Variants in MAGI2 observed in about 807,000 individuals in gnomAD.
MAGI2 encodes the protein membrane associated guanylate kinase, WW and PDZ domain containing 2, also known as membrane-associated guanylate kinase, WW and PDZ domain-containing protein 2.
A neutral mutation model predicts 133.3 loss-of-function variants in MAGI2; 35 were observed. The ratio of observed to expected loss-of-function variants is 0.26; its 90% CI spans 0.20 to 0.35. The LOEUF (loss-of-function observed/expected upper bound fraction) is 0.35. Ranked by LOEUF, MAGI2 falls within the 10% of genes least tolerant of loss-of-function variation. The pLI is 1.00. For synonymous variants in MAGI2, 729 were observed against 710.6 expected (o/e 1.03, Z -0.41); for missense variants, 1,636 against 1,863.4 (o/e 0.88, Z 2.25).
chr7:78,754,082 A>G (rs1823713161), intron 2 of MAGI2, among the ~76,000 whole-genome samples: 1 of 152,184 alleles, frequency 6.6e-6, no homozygotes, highest in Non-Finnish European at 1.5e-5. Context: ...TGAGCACAAG[A>G]AATGGTACAT....
intron 1 of MAGI2, among the ~76,000 whole-genome samples, chr7:79,101,905 AT>A (rs1296518353): frequency 2.0e-5 from 3 of 151,666 alleles, no homozygotes; most frequent in Non-Finnish European, 1.5e-5. Context: ...TATATCATAC[AT>A]TTTCAGAAAC....
At chr7:79,287,263 A>G (rs1836082849) in intron 1 of MAGI2, among the ~76,000 whole-genome samples, 2 of 152,234 alleles carry the variant, frequency 1.3e-5, no homozygotes, top group Non-Finnish European at 1.5e-5. Flanking sequence ...TTCTGGTTTG[A>G]ACAGCAATGC....
intron 6 of MAGI2, among the ~76,000 whole-genome samples, chr7:78,440,298 A>G (rs1787485744): frequency 6.6e-6 from 1 of 152,174 alleles, no homozygotes; most frequent in African/African-American, 2.4e-5. Flanking sequence ...CAAACAAGGA[A>G]ACTGAAGTGA....
intron 1 of MAGI2, among the ~76,000 whole-genome samples, chr7:79,230,300 T>C (rs1831249627): frequency 6.6e-6 from 1 of 152,036 alleles, no homozygotes; most frequent in Non-Finnish European, 1.5e-5. Context: ...CCTTTGGGTA[T>C]ATACCCAGTA....
At chr7:78,727,337 A>G (rs1413286388) in intron 2 of MAGI2, among the ~76,000 whole-genome samples, 1 of 152,226 alleles carries the variant, frequency 6.6e-6, no homozygotes, top group Non-Finnish European at 1.5e-5. Context: ...TTACCTGGCC[A>G]TACATTACTT....
intron 21 of MAGI2, among the ~76,000 whole-genome samples, chr7:78,057,550 G>A (rs1303823532): frequency 6.6e-6 from 1 of 152,172 alleles, no homozygotes; most frequent in African/African-American, 2.4e-5. Context: ...ACTGGTGTGA[G>A]GTGATATCTC....
chr7:78,297,357 A>T (rs1164339930), intron 9 of MAGI2, among the ~76,000 whole-genome samples: 3 of 152,066 alleles, frequency 2.0e-5, no homozygotes, highest in Non-Finnish European at 4.4e-5. Context: ...GTGGAGAAAT[A>T]GGAACACTTT....
Position 79,453,184 on chromosome 7 carries a change from T to TC in MAGI2, c.136dup (p.Glu46GlyfsTer10). ...ATAGGCCACCTTGCCGGGCTTCACC[T>TC]CCCCCAGGTAGGGGAACTGTCCATT... On this transcript the variant is annotated frameshift_variant, in exon 1 of 22. Coordinates refer to ENST00000354212, the MANE Select transcript of MAGI2 (RefSeq NM_012301.4). LOFTEE classifies it high-confidence loss of function. 6.2e-7 allele frequency: 1 copy of TC among 1,613,658 alleles called. No homozygotes were observed. Among genetic ancestry groups the TC allele is most frequent in the Non-Finnish European group, 8.5e-7 (1 of 1,179,944 alleles).
chr7:79,344,377 G>T (rs1841148967), intron 1 of MAGI2, among the ~76,000 whole-genome samples: 2 of 152,084 alleles, frequency 1.3e-5, no homozygotes, highest in African/African-American at 2.4e-5. Context: ...AATGCAAAGA[G>T]AAATGAGTAC....
intron 1 of MAGI2, among the ~76,000 whole-genome samples, chr7:79,233,781 T>A (rs1481443122): frequency 2.2e-5 from 3 of 138,072 alleles, no homozygotes; most frequent in African/African-American, 8.1e-5. Flanking sequence ...ATTGGAGCAT[T>A]TAGTCCATTT....
chr7:79,359,466 A>G (rs1198247315), intron 1 of MAGI2, among the ~76,000 whole-genome samples: 1 of 152,086 alleles, frequency 6.6e-6, no homozygotes, highest in East Asian at 1.9e-4. Context: ...ACTTGATAAA[A>G]GACAAAAACC....
intron 6 of MAGI2, among the ~76,000 whole-genome samples, chr7:78,415,694 G>T (rs1387649095): frequency 1.3e-5 from 2 of 152,096 alleles, no homozygotes; most frequent in Admixed American, 6.6e-5. Context: ...GCTTCACACA[G>T]AAGAGCAAGT....
chr7:79,059,713 C>T (rs1813529294), intron 1 of MAGI2, among the ~76,000 whole-genome samples: 1 of 151,936 alleles, frequency 6.6e-6, no homozygotes, highest in African/African-American at 2.4e-5. Context: ...TTATGAGATG[C>T]CTTTACCTTT....
intron 1 of MAGI2, among the ~76,000 whole-genome samples, chr7:79,013,527 C>T (rs1367529767): frequency 6.6e-6 from 1 of 152,098 alleles, no homozygotes; most frequent in Non-Finnish European, 1.5e-5. Flanking sequence ...TGTTAAGTTC[C>T]TTTTTCAAAA....
intron 4 of MAGI2, among the ~76,000 whole-genome samples, chr7:78,511,484 A>T (rs888608175): frequency 6.7e-6 from 1 of 150,282 alleles, no homozygotes; most frequent in Non-Finnish European, 1.5e-5. Flanking sequence ...TAATATGGGT[A>T]CTAAAATATT....
At chr7:78,139,734 C>T (rs989368942) in intron 16 of MAGI2, among the ~76,000 whole-genome samples, 6 of 152,094 alleles carry the variant, frequency 3.9e-5, no homozygotes, top group South Asian at 2.1e-4. Context: ...TGGCTTTAGA[C>T]GTACTGACAT....
intron 2 of MAGI2, among the ~76,000 whole-genome samples, chr7:78,950,420 A>G (rs552862438): frequency 2.0e-5 from 3 of 152,312 alleles, no homozygotes; most frequent in African/African-American, 7.2e-5. Flanking sequence ...ACTTTAAAAA[A>G]CATTAAGACA....
chr7:79,396,904 G>A (rs1845099625), intron 1 of MAGI2, among the ~76,000 whole-genome samples: 1 of 151,940 alleles, frequency 6.6e-6, no homozygotes, highest in South Asian at 2.1e-4. Flanking sequence ...ACACCTTGAC[G>A]GTTAGTAGCT....
At chr7:78,658,064 A>G (rs1324011263) in intron 2 of MAGI2, among the ~76,000 whole-genome samples, 1 of 152,232 alleles carries the variant, frequency 6.6e-6, no homozygotes, top group African/African-American at 2.4e-5. Context: ...AACTGATATT[A>G]ATCCTTCTTT....
Sources: gnomAD v4.1 joint callset for allele counts (sites outside exome capture counted in the v4.1 genomes callset) on GRCh38, gnomAD v4.1.1 for gene constraint, MANE v1.5 for transcripts, NCBI Gene and HGNC (gene_info 2026-07-23, HGNC 2026-07-21) for gene names.